Variants in CHM observed in about 807,000 individuals in gnomAD.
The protein encoded by CHM is CHM Rab escort protein.
A neutral mutation model predicts 49.0 loss-of-function variants in CHM; 10 were observed. The observed-to-expected ratio is 0.20, with a 90% CI of 0.13 to 0.35. The LOEUF (loss-of-function observed/expected upper bound fraction) is 0.35, where lower values mean the gene tolerates loss of function less well. CHM is among the 10% of genes least tolerant of loss of function. The pLI is 1.00. For synonymous variants in CHM, 184 were observed against 167.5 expected (o/e 1.10, Z -0.76); for missense variants, 455 against 478.4 (o/e 0.95, Z 0.46).
At chrX:85,934,283 T>C (rs1273025815) in intron 8 of CHM, among the ~76,000 whole-genome samples, 2 of 92,565 alleles carry the variant, frequency 2.2e-5, no homozygotes, top group Non-Finnish European at 4.0e-5. Context: ...CTCAGCCTTT[T>C]TTTTTTTTTT....
intron 8 of CHM, among the ~76,000 whole-genome samples, chrX:85,947,254 C>T (rs111540445): frequency 2.7e-5 from 3 of 111,794 alleles, no homozygotes; most frequent in African/African-American, 9.7e-5. Flanking sequence ...TGTCCCTACC[C>T]AAATATCATA....
Position 85,862,170 on chromosome X carries a change from T to C in CHM, c.*2460A>G, listed in dbSNP as rs1351072396. 1 of 112,161 alleles carries C rather than the reference T, an allele frequency of 8.9e-6. No homozygotes were observed. Among genetic ancestry groups the C allele is most frequent in the Non-Finnish European group, 1.9e-5 (1 of 53,186 alleles). 9.2% of individuals were successfully genotyped at this position (112,161 alleles called of 1,213,427 possible). On this transcript the variant is annotated 3_prime_UTR_variant, in exon 15 of 15. Transcript: ENST00000357749. ...CCTGAAAGAGAGATTCTGATGCTAA[T>C]GGATGAAACAGGGTACAATAATGGA...
intron 12 of CHM, among the ~76,000 whole-genome samples, chrX:85,881,017 A>G (rs1400601254): frequency 8.9e-6 from 1 of 112,109 alleles, no homozygotes; most frequent in Non-Finnish European, 1.9e-5. Context: ...ATCTTAATAT[A>G]TCTTGTAAGT....
chrX:85,929,536 T>C (rs1928297647), intron 8 of CHM, among the ~76,000 whole-genome samples: 2 of 111,816 alleles, frequency 1.8e-5, no homozygotes, highest in African/African-American at 6.5e-5. Context: ...AACCAGAGAG[T>C]TTCTGTTTTC....
intron 13 of CHM, among the ~76,000 whole-genome samples, chrX:85,875,095 C>T (rs750680775): frequency 8.1e-5 from 9 of 111,385 alleles, no homozygotes; most frequent in Admixed American, 9.6e-5. Flanking sequence ...ATTTCATAGA[C>T]GTTGCGCCTT....
intron 2 of CHM, among the ~76,000 whole-genome samples, chrX:86,021,128 A>ATATATGTG (rs1569255054): frequency 4.9e-5 from 1 of 20,400 alleles, no homozygotes; most frequent in Non-Finnish European, 7.9e-5. Flanking sequence ...GTATATACGT[A>ATATATGTG]TATATATATA....
chrX:85,921,335 C>T (rs898664174), intron 8 of CHM, among the ~76,000 whole-genome samples: 1 of 111,501 alleles, frequency 9.0e-6, no homozygotes, highest in African/African-American at 3.3e-5. Context: ...GTCAGGTAGG[C>T]TCCATCTTTG....
intron 2 of CHM, among the ~76,000 whole-genome samples, chrX:86,015,897 C>T (rs1347943173): frequency 8.9e-6 from 1 of 112,041 alleles, no homozygotes; most frequent in African/African-American, 3.2e-5. Context: ...CTTTGGGAGG[C>T]CAAGGCAGGT....
Position 85,863,878 on chromosome X carries a change from G to A in CHM, c.*752C>T, listed in dbSNP as rs1027191664. 14 of 111,690 alleles carry A rather than the reference G, an allele frequency of 1.3e-4. No homozygotes were observed. Among genetic ancestry groups the A allele is most frequent in the Non-Finnish European group, 2.6e-4 (14 of 53,154 alleles). 9.2% of individuals were successfully genotyped at this position (111,690 alleles called of 1,213,427 possible). On this transcript the variant is annotated 3_prime_UTR_variant, in exon 15 of 15. Transcript: ENST00000357749. ...CAGTAGGACAGCCAGGATTAAATTAGGTCTGTAGACAATTAGCCTAATACT... is the reference window on the plus strand; with the variant it reads ...CAGTAGGACAGCCAGGATTAAATTAAGTCTGTAGACAATTAGCCTAATACT...
chrX:86,040,102 C>T (rs1375477344), intron 1 of CHM, among the ~76,000 whole-genome samples: 1 of 112,361 alleles, frequency 8.9e-6, no homozygotes, highest in Non-Finnish European at 1.9e-5. Context: ...TGGTAGAAGG[C>T]AGCCGATTAA....
chrX:85,871,680 T>C (rs1924084188), intron 14 of CHM, among the ~76,000 whole-genome samples: 2 of 111,670 alleles, frequency 1.8e-5, no homozygotes, highest in Non-Finnish European at 3.8e-5. Context: ...CTCTGAAGAT[T>C]ATATTCTTGA....
intron 1 of CHM, among the ~76,000 whole-genome samples, chrX:86,039,338 TTGTG>T (rs1402680619): frequency 9.1e-6 from 1 of 110,394 alleles, no homozygotes; most frequent in Non-Finnish European, 1.9e-5. Flanking sequence ...ATACTTTAGC[TTGTG>T]TAAATTTTCT....
At chrX:86,047,127 A>T (rs1033997251) in intron 1 of CHM, 2 of 300,942 alleles carry the variant, frequency 6.6e-6, no homozygotes, top group Non-Finnish European at 1.2e-5. Context: ...ATCAATAAGG[A>T]AGGAATCATA....
rs568476135 is a variant in CHM, at chrX:85,901,298, G to T, written c.1245-110C>A. 1.3e-4 allele frequency: 62 copies of T among 489,030 alleles called. No homozygotes were observed. In the South Asian group the frequency reaches 2.5e-3, roughly 20 times the overall value. The allele number at this position is 489,030 out of a possible 1,213,427, so 40.3% of individuals were successfully genotyped here. ...TAAAATGAATTTCACGTGAAGACAA[G>T]ATTTAAAACTTGCCTACAATTCCAT... On this transcript the variant is annotated intron_variant, in intron 9 of 14. Coordinates refer to ENST00000357749, the MANE Select transcript of CHM (RefSeq NM_000390.4).
At chrX:85,944,738 T>C (rs143866564) in intron 8 of CHM, among the ~76,000 whole-genome samples, 1 of 112,013 alleles carries the variant, frequency 8.9e-6, no homozygotes, top group East Asian at 2.8e-4. Flanking sequence ...CTCAAAGAAC[T>C]TAAAACAGAA....
intron 2 of CHM, among the ~76,000 whole-genome samples, chrX:86,005,035 TA>T (rs2069840035): frequency 8.9e-6 from 1 of 112,005 alleles, no homozygotes; most frequent in Non-Finnish European, 1.9e-5. Flanking sequence ...TCAGCAAATG[TA>T]AAAGAACAGA....
intron 11 of CHM, among the ~76,000 whole-genome samples, chrX:85,898,561 C>G (rs188862421): frequency 2.7e-5 from 3 of 112,136 alleles, no homozygotes; most frequent in Non-Finnish European, 5.6e-5. Context: ...ACCAGTTCCT[C>G]TCTCTTACTC....
intron 2 of CHM, among the ~76,000 whole-genome samples, chrX:85,992,743 T>C (rs947072771): frequency 8.0e-5 from 9 of 112,086 alleles, no homozygotes; most frequent in African/African-American, 2.9e-4. Context: ...AAAAAGTGTA[T>C]ATATATTTCT....
At chrX:85,883,240 G>A (rs765037268) in intron 12 of CHM, among the ~76,000 whole-genome samples, 85 of 111,619 alleles carry the variant, frequency 7.6e-4, no homozygotes, top group Middle Eastern at 4.7e-3. Context: ...TTATAGGCTA[G>A]TCAGCAAGTA....
Sources: gnomAD v4.1 joint callset for allele counts (sites outside exome capture counted in the v4.1 genomes callset) on GRCh38, gnomAD v4.1.1 for gene constraint, MANE v1.5 for transcripts, NCBI Gene and HGNC (gene_info 2026-07-23, HGNC 2026-07-21) for gene names.